Variants in EML6 observed in about 807,000 individuals in gnomAD.
The protein encoded by EML6 is echinoderm microtubule-associated protein-like 6.
EML6 carries 154 observed loss-of-function variants against 240.1 expected under a neutral mutation model. The ratio of observed to expected loss-of-function variants is 0.64; its 90% confidence interval spans 0.56 to 0.73. EML6 has a LOEUF of 0.73. EML6 is among the 30% of genes least tolerant of loss of function. The pLI is 0.00. For missense variants in EML6, 2,964 were observed against 2,474.6 expected, an observed-to-expected ratio of 1.20 and a Z score of -4.20; for synonymous variants, 1,148 against 899.0, an observed-to-expected ratio of 1.28 and a Z score of -4.95.
intron 24 of EML6, among the ~76,000 whole-genome samples, chr2:54,905,833 G>A (rs1673301801): frequency 6.6e-6 from 1 of 152,140 alleles, no homozygotes; most frequent in South Asian, 2.1e-4. Context: ...ATGTTCTCAA[G>A]ATTCCTCCAT....
chr2:54,785,073 G>A (rs542067663), intron 2 of EML6, among the ~76,000 whole-genome samples: 1 of 152,122 alleles, frequency 6.6e-6, no homozygotes, highest in African/African-American at 2.4e-5. Context: ...CACTTCACAG[G>A]GGGTCCCACA....
intron 11 of EML6, among the ~76,000 whole-genome samples, chr2:54,857,292 C>T (rs1049204977): frequency 6.6e-6 from 1 of 151,962 alleles, no homozygotes; most frequent in Non-Finnish European, 1.5e-5. Flanking sequence ...CACTTTAAAG[C>T]CATGGGGGAG....
At chr2:54,905,766 A>G (rs902774409) in intron 24 of EML6, among the ~76,000 whole-genome samples, 2 of 152,218 alleles carry the variant, frequency 1.3e-5, no homozygotes, top group African/African-American at 4.8e-5. Context: ...GGTACCTCGT[A>G]TAAGTGGAAG....
chr2:54,822,803 T>G (rs1668392457), intron 5 of EML6, among the ~76,000 whole-genome samples: 1 of 152,196 alleles, frequency 6.6e-6, no homozygotes, highest in Non-Finnish European at 1.5e-5. Flanking sequence ...ATTGTAAAAT[T>G]ATTTTACAAC....
At chr2:54,902,226 C>T (rs977043465) in intron 22 of EML6, among the ~76,000 whole-genome samples, 35 of 152,122 alleles carry the variant, frequency 2.3e-4, no homozygotes, top group African/African-American at 5.8e-4. Flanking sequence ...CTCTTTTCTT[C>T]GAAGCAAAGA....
intron 2 of EML6, among the ~76,000 whole-genome samples, chr2:54,795,819 C>T (rs1669736506): frequency 6.6e-6 from 1 of 152,182 alleles, no homozygotes; most frequent in South Asian, 2.1e-4. Context: ...CTGATGAATG[C>T]AGAGGCATAG....
At chr2:54,816,706 T>C (rs997617994) in intron 3 of EML6, 81 bp from the exon 4 acceptor site, 2 of 1,084,390 alleles carry the variant, frequency 1.8e-6, no homozygotes, top group African/African-American at 1.6e-5. Context: ...GCCTAACCCA[T>C]AGTAAATAGT....
In EML6 at chr2:54,957,929, C is replaced by T. The variant is rs768431748; in HGVS notation, c.4626C>T (p.Tyr1542=). ...FWTLAGSALL[Y]KKGVIGSLGA... ...CCCTGGCAGGCAGCGCCTTGCTTTA[C>T]AAGAAAGGGGTCATCGGGTCCCTGG... The change falls in exon 33 of 42, where the codon TAC becomes TAT. Residue 1542 remains tyrosine, a synonymous_variant. Transcript: ENST00000356458. 5 of 1,551,660 alleles carry T rather than the reference C, an allele frequency of 3.2e-6. No homozygotes were observed. In the South Asian group the frequency reaches 3.6e-5, roughly 11 times the overall value.
At chr2:54,898,875 C>G (rs964807183) in intron 21 of EML6, among the ~76,000 whole-genome samples, 1 of 152,172 alleles carries the variant, frequency 6.6e-6, no homozygotes, top group Non-Finnish European at 1.5e-5. Context: ...GAATCAAATT[C>G]ATTTTCTCCC....
intron 5 of EML6, among the ~76,000 whole-genome samples, chr2:54,821,913 A>T (rs1046504890): frequency 3.3e-5 from 5 of 152,156 alleles, no homozygotes; most frequent in African/African-American, 9.6e-5. Context: ...AGATTTTTTT[A>T]AAATGTAAAA....
intron 35 of EML6, among the ~76,000 whole-genome samples, chr2:54,962,115 CTG>C (rs891447332): frequency 8.9e-5 from 13 of 145,918 alleles, no homozygotes; most frequent in South Asian, 8.9e-4. Flanking sequence ...CAGGGTCTCA[CTG>C]TGTCACCCAG....
chr2:54,736,334 C>G (rs1418971057), intron 2 of EML6, among the ~76,000 whole-genome samples: 1 of 152,202 alleles, frequency 6.6e-6, no homozygotes, highest in African/African-American at 2.4e-5. Flanking sequence ...CCAGACTTCT[C>G]AGAAGAGGGA....
At chr2:54,865,921 G>C (rs1573029410) in intron 13 of EML6, among the ~76,000 whole-genome samples, 1 of 152,188 alleles carries the variant, frequency 6.6e-6, no homozygotes, top group East Asian at 1.9e-4. Flanking sequence ...ATCAAGACTA[G>C]AATTCATTGC....
At chr2:54,907,029 A>C (rs1415711059) in intron 24 of EML6, among the ~76,000 whole-genome samples, 1 of 152,210 alleles carries the variant, frequency 6.6e-6, no homozygotes, top group Non-Finnish European at 1.5e-5. Context: ...TGGCAACTAC[A>C]GGTCCTTGGA....
chr2:54,798,800 G>A (rs577126209), intron 2 of EML6, among the ~76,000 whole-genome samples: 2 of 152,166 alleles, frequency 1.3e-5, no homozygotes, highest in South Asian at 2.1e-4. Context: ...TTATTGTACT[G>A]CTAGGACCTG....
rs77734430 is a variant in EML6, at chr2:54,823,271, A to G, written c.525+2809A>G. Reference sequence around the variant, plus strand: ...GGAGATGCTGCTTAGGCTGAGCCTCAGTGGGTGGGTGAGTTTGGTAGGAAG... The same window carrying G: ...GGAGATGCTGCTTAGGCTGAGCCTCGGTGGGTGGGTGAGTTTGGTAGGAAG... On this transcript the variant is annotated intron_variant, in intron 5 of 41. Transcript: ENST00000356458. Among the ~76,000 whole-genome samples, 513 of 152,236 alleles carry G rather than the reference A, an allele frequency of 3.4e-3. 16 individuals carry two copies. The East Asian group carries it at 0.071, about 21-fold the overall frequency.
intron 2 of EML6, among the ~76,000 whole-genome samples, chr2:54,791,920 A>C (rs919902080): frequency 6.6e-6 from 1 of 152,164 alleles, no homozygotes; most frequent in Non-Finnish European, 1.5e-5. Context: ...TTCTGATTCT[A>C]TGAAGGAGTA....
At chr2:54,844,021 GC>G in intron 7 of EML6, 25 bp from the exon 8 acceptor site, 1 of 1,261,818 alleles carries the variant, frequency 7.9e-7, no homozygotes, top group Non-Finnish European at 1.1e-6. Context: ...GTGAAGATTT[GC>G]TTTTGTTTTA....
intron 5 of EML6, among the ~76,000 whole-genome samples, chr2:54,821,848 TATAAA>T (rs1213968821): frequency 8.5e-5 from 13 of 152,150 alleles, no homozygotes; most frequent in African/African-American, 2.9e-4. Context: ...TTTCAAAAAC[TATAAA>T]ATAACTAGAG....
Sources: gnomAD v4.1 joint callset for allele counts (sites outside exome capture counted in the v4.1 genomes callset) on GRCh38, gnomAD v4.1.1 for gene constraint, MANE v1.5 for transcripts, NCBI Gene and HGNC (gene_info 2026-07-23, HGNC 2026-07-21) for gene names.